Variants in USP48 observed in about 807,000 individuals in gnomAD.
The protein encoded by USP48 is ubiquitin specific peptidase 48.
USP48 carries 43 observed loss-of-function variants against 150.7 expected under a neutral mutation model. That is an observed-to-expected ratio of 0.29 (90% CI 0.22 to 0.37). The LOEUF is 0.37. Ranked by LOEUF, USP48 falls within the 10% of genes least tolerant of loss-of-function variation. The pLI, the probability that USP48 is intolerant of heterozygous loss-of-function variation, is 1.00. For missense variants in USP48, 813 were observed against 1,249.6 expected, an observed-to-expected ratio of 0.65 and a Z score of 5.27; for synonymous variants, 396 against 425.9, an observed-to-expected ratio of 0.93 and a Z score of 0.86.
intron 9 of USP48, among the ~76,000 whole-genome samples, chr1:21,732,487 T>C (rs959749767): frequency 6.6e-6 from 1 of 152,170 alleles, no homozygotes; most frequent in African/African-American, 2.4e-5. Context: ...ATCTATCACA[T>C]TGAGATATAT....
At chr1:21,762,478 C>T (rs1231405085) in intron 1 of USP48, among the ~76,000 whole-genome samples, 1 of 152,112 alleles carries the variant, frequency 6.6e-6, no homozygotes, top group Non-Finnish European at 1.5e-5. Context: ...ACAAAGTAGG[C>T]ACTTATTTTG....
intron 22 of USP48, among the ~76,000 whole-genome samples, chr1:21,700,735 T>A (rs192673564): frequency 0.019 from 2,867 of 152,264 alleles, 61 homozygotes; most frequent in African/African-American, 0.044. Flanking sequence ...CTGAAACTTA[T>A]CTCCACCTAC....
At chr1:21,782,780 G>A (rs1020897649) in intron 1 of USP48, 44 bp downstream of exon 1, 2 of 1,495,870 alleles carry the variant, frequency 1.3e-6, no homozygotes, top group Admixed American at 2.2e-5. Context: ...GGCTTTCCAA[G>A]GTCCGGCGCG....
intron 15 of USP48, among the ~76,000 whole-genome samples, chr1:21,711,220 A>G (rs2097689302): frequency 6.6e-6 from 1 of 152,200 alleles, no homozygotes; most frequent in Admixed American, 6.5e-5. Context: ...AAGTTGGCGA[A>G]AGTCAAGAAG....
chr1:21,686,723 C>T (rs556799289), intron 25 of USP48: 1 of 161,116 alleles, frequency 6.2e-6, no homozygotes, highest in Admixed American at 6.3e-5. Context: ...AGTGTGGAAA[C>T]ACATAATTCT....
chr1:21,687,230 G>GC lies in USP48; in HGVS notation c.3018_3019insG (p.Pro1007AlafsTer10). The GC allele has an allele frequency of 6.2e-7, 1 of 1,612,672 alleles. No individual in the cohort carries two copies. On this transcript the variant is annotated frameshift_variant, in exon 25 of 27. Transcript: ENST00000308271. LOFTEE classifies it high-confidence loss of function. ...TCCATTGCAGCATAATCTGCAATTG[G>GC]TTCATCAGCCTAGAAAACAAATGAA...
intron 24 of USP48, among the ~76,000 whole-genome samples, chr1:21,689,714 G>T (rs2097591556): frequency 6.6e-6 from 1 of 152,030 alleles, no homozygotes; most frequent in African/African-American, 2.4e-5. Context: ...ACCTTCTCAG[G>T]GTACCAGCAG....
chr1:21,690,318 A>G (rs1381298337), intron 23 of USP48, among the ~76,000 whole-genome samples: 2 of 152,140 alleles, frequency 1.3e-5, no homozygotes, highest in East Asian at 3.8e-4. Context: ...GTATTAGGAA[A>G]CAATTACACA....
rs57911641 is a variant in USP48 at position 21,755,512 on chromosome 1, TGCTCGCACCA to T, written c.412+1024_412+1033del. Reference sequence around the variant, plus strand: ...GGGAGGTTGAGGCTACAGTGAGCTGTGCTCGCACCAGCCTGGGCGAAAAAGTGAGATCTTG... The same window carrying T: ...GGGAGGTTGAGGCTACAGTGAGCTGTGCCTGGGCGAAAAAGTGAGATCTTG... On this transcript the variant is annotated intron_variant, in intron 3 of 26. Coordinates refer to ENST00000308271, the MANE Select transcript of USP48 (RefSeq NM_032236.8). Among the ~76,000 whole-genome samples, 21 of 152,232 alleles carry T rather than the reference TGCTCGCACCA, an allele frequency of 1.4e-4. No homozygotes were observed. The East Asian group carries it at 4.1e-3, about 29-fold the overall frequency.
intron 1 of USP48, among the ~76,000 whole-genome samples, chr1:21,774,667 C>T (rs186695818): frequency 3.3e-5 from 5 of 151,460 alleles, no homozygotes; most frequent in African/African-American, 4.8e-5. Flanking sequence ...AGCCTGGCAA[C>T]AGAGCAAGAT....
chr1:21,733,622 A>G (rs951242692), intron 9 of USP48, among the ~76,000 whole-genome samples: 153 of 152,194 alleles, frequency 1.0e-3, no homozygotes, highest in African/African-American at 3.6e-3. Flanking sequence ...GGAATGAGAT[A>G]CCAATGGGTG....
chr1:21,687,563 T>C (rs1435441099), intron 24 of USP48, among the ~76,000 whole-genome samples: 1 of 152,192 alleles, frequency 6.6e-6, no homozygotes, highest in African/African-American at 2.4e-5. Flanking sequence ...ATTAAACCAA[T>C]GTGAGCTAAG....
At chr1:21,758,106 C>T (rs960469293) in intron 1 of USP48, among the ~76,000 whole-genome samples, 1 of 150,222 alleles carries the variant, frequency 6.7e-6, no homozygotes, top group Non-Finnish European at 1.5e-5. Context: ...CTGTTAATTG[C>T]AAAATATTGG....
rs184222667 is a variant in USP48, at chr1:21,763,630, A to G, written c.135-5847T>C. ...GGAGTTCGAGACCAGCCTGGCTGAC[A>G]TAGAGAAACCTCGTCTCTACTAAAA... On this transcript the variant is annotated intron_variant, in intron 1 of 26. Transcript: ENST00000308271. Among the ~76,000 whole-genome samples, 157 of 152,330 alleles carry G rather than the reference A, an allele frequency of 1.0e-3. 2 individuals are homozygous for G. The highest frequency in any genetic ancestry group is 3.5e-3 in the African/African-American group (145 of 41,576).
At chr1:21,701,633 G>A in intron 21 of USP48, 31 bp from the exon 22 acceptor site, 1 of 1,600,924 alleles carries the variant, frequency 6.2e-7, no homozygotes, top group Non-Finnish European at 8.6e-7. Context: ...AAGAGAAGTA[G>A]GTCAGACCCT....
At position 21,708,898 on chromosome 1, in the gene USP48, AAAAAGAAAGAAAAG is replaced by A. The variant is rs1557465668; in HGVS notation, c.1964-2044_1964-2031del. ...AGACTCCGTCTCAAAAAAAAAAAAAAAAAAGAAAGAAAAGAAAAGAAAAGAAAAGAAAACAGAGT... is the reference window on the plus strand; with the variant it reads ...AGACTCCGTCTCAAAAAAAAAAAAAAAAAAGAAAAGAAAAGAAAACAGAGT... On this transcript the variant is annotated intron_variant, in intron 15 of 26. Transcript: ENST00000308271. 1.0e-4 allele frequency among the ~76,000 whole-genome samples: 6 copies of A among 57,924 alleles called. 1 individual carries two copies. Among genetic ancestry groups the A allele is most frequent in the Admixed American group, 6.9e-4 (3 of 4,338 alleles). 38.0% of individuals were successfully genotyped at this position (57,924 alleles called of 152,430 possible).
In USP48 at chr1:21,718,961, C is replaced by T. The variant is rs574271844; in HGVS notation, c.1894+2075G>A. Among the ~76,000 whole-genome samples, 7 of 152,142 alleles carry T rather than the reference C, an allele frequency of 4.6e-5. No individual in the cohort carries two copies. In the East Asian group the frequency reaches 1.4e-3, roughly 29 times the overall value. On this transcript the variant is annotated intron_variant, in intron 14 of 26. Coordinates refer to ENST00000308271, the MANE Select transcript of USP48 (RefSeq NM_032236.8). The stretch of plus-strand genomic sequence containing the variant: ...TCATGAATTATATAGCACAATAAAA[C>T]ATTTTAATCAAAAGTAAAAACTCAG...
chr1:21,689,893 A>C (rs952437647), intron 24 of USP48, 81 bp downstream of exon 24: 2 of 1,551,250 alleles, frequency 1.3e-6, no homozygotes, highest in Non-Finnish European at 1.7e-6. Flanking sequence ...GGCATCCTTT[A>C]ACCACCATTT....
At chr1:21,745,278 A>C (rs1478300443) in intron 8 of USP48, among the ~76,000 whole-genome samples, 1 of 152,144 alleles carries the variant, frequency 6.6e-6, no homozygotes, top group Non-Finnish European at 1.5e-5. Context: ...ATGAGTAGAT[A>C]ATATTTATTT....
Sources: gnomAD v4.1 joint callset for allele counts (sites outside exome capture counted in the v4.1 genomes callset) on GRCh38, gnomAD v4.1.1 for gene constraint, MANE v1.5 for transcripts, NCBI Gene and HGNC (gene_info 2026-07-23, HGNC 2026-07-21) for gene names.